The following FHIT variants were observed in gnomAD, a reference collection of about 807,000 sequenced individuals.
FHIT encodes the protein fragile histidine triad diadenosine triphosphatase.
FHIT carries 19 observed loss-of-function variants against 17.9 expected under a neutral mutation model. That is an observed-to-expected ratio of 1.06 (90% CI 0.74 to 1.56). FHIT has a LOEUF of 1.56. Among genes scored for constraint, FHIT ranks in the 40% most tolerant of loss-of-function variants. The probability of loss-of-function intolerance (pLI) is 0.00; values close to 1 mark genes in which losing one functional copy is unlikely to be tolerated. For synonymous variants in FHIT, 81 were observed against 69.7 expected (o/e 1.16, Z -0.81); for missense variants, 248 against 189.2 (o/e 1.31, Z -1.82).
At chr3:59,872,564 C>T (rs1289393959) in intron 8 of FHIT, among the ~76,000 whole-genome samples, 1 of 152,120 alleles carries the variant, frequency 6.6e-6, no homozygotes, top group African/African-American at 2.4e-5. Context: ...AGAAGAATTT[C>T]GAGGCCAAAT....
At chr3:59,965,301 G>C (rs1707874627) in intron 7 of FHIT, among the ~76,000 whole-genome samples, 1 of 152,046 alleles carries the variant, frequency 6.6e-6, no homozygotes, top group Admixed American at 6.6e-5. Context: ...ACTCCACTCA[G>C]GAGATATATC....
chr3:59,796,685 T>C (rs2605433), intron 8 of FHIT, among the ~76,000 whole-genome samples: 39,175 of 152,074 alleles, frequency 0.26, 6,990 homozygotes, highest in African/African-American at 0.51. Context: ...GGGTTCAATT[T>C]CTATGTCAGT....
At chr3:60,760,541 C>T (rs1396362379) in intron 4 of FHIT, among the ~76,000 whole-genome samples, 1 of 152,264 alleles carries the variant, frequency 6.6e-6, no homozygotes, top group East Asian at 1.9e-4. Flanking sequence ...ATCCACAAAT[C>T]CTACTAATAT....
At chr3:59,885,882 G>T (rs192894589) in intron 8 of FHIT, among the ~76,000 whole-genome samples, 5 of 152,312 alleles carry the variant, frequency 3.3e-5, no homozygotes, top group African/African-American at 1.2e-4. Context: ...CTAGCAGGCA[G>T]GCAGGCCTCA....
chr3:60,981,427 C>T (rs1221008115), intron 3 of FHIT, among the ~76,000 whole-genome samples: 1 of 151,890 alleles, frequency 6.6e-6, no homozygotes, highest in Non-Finnish European at 1.5e-5. Flanking sequence ...GCCTCAGCCT[C>T]CCGAGTAGCT....
At chr3:60,693,868 G>T (rs1026565116) in intron 4 of FHIT, among the ~76,000 whole-genome samples, 2 of 152,102 alleles carry the variant, frequency 1.3e-5, no homozygotes, top group Non-Finnish European at 2.9e-5. Flanking sequence ...AATTGTTCTG[G>T]TGGCATAGCT....
At chr3:60,358,085 G>A (rs1699751144) in intron 5 of FHIT, among the ~76,000 whole-genome samples, 1 of 152,192 alleles carries the variant, frequency 6.6e-6, no homozygotes, top group African/African-American at 2.4e-5. Context: ...GCTGTCTGGA[G>A]AACCACATAA....
chr3:60,150,788 G>T (rs1200052666), intron 5 of FHIT, among the ~76,000 whole-genome samples: 1 of 151,972 alleles, frequency 6.6e-6, no homozygotes, highest in African/African-American at 2.4e-5. Context: ...GCATGGTGGC[G>T]CATGCCTGTA....
chr3:60,166,068 T>C (rs550293212), intron 5 of FHIT, among the ~76,000 whole-genome samples: 21 of 152,132 alleles, frequency 1.4e-4, no homozygotes, highest in Non-Finnish European at 2.9e-4. Flanking sequence ...TCCTGTAATA[T>C]TGTGCTCTTT....
intron 4 of FHIT, among the ~76,000 whole-genome samples, chr3:60,728,999 C>T (rs1239147410): frequency 1.3e-5 from 2 of 152,074 alleles, no homozygotes; most frequent in East Asian, 1.9e-4. Flanking sequence ...TATCAGAGAG[C>T]AAGAGAAAGT....
intron 2 of FHIT, among the ~76,000 whole-genome samples, chr3:61,046,352 C>T (rs187073186): frequency 6.6e-6 from 1 of 152,264 alleles, no homozygotes; most frequent in Admixed American, 6.5e-5. Context: ...TCAGAGAGTA[C>T]TATAAACACC....
At chr3:59,833,779 G>C (rs913304731) in intron 8 of FHIT, among the ~76,000 whole-genome samples, 2 of 152,138 alleles carry the variant, frequency 1.3e-5, no homozygotes, top group Non-Finnish European at 2.9e-5. Context: ...TTGAGGGAGA[G>C]ACCTGGTGGG....
At chr3:60,338,311 T>C (rs993750430) in intron 5 of FHIT, among the ~76,000 whole-genome samples, 1 of 152,216 alleles carries the variant, frequency 6.6e-6, no homozygotes, top group Non-Finnish European at 1.5e-5. Flanking sequence ...CAATCATCTA[T>C]ACCACAAAAA....
intron 3 of FHIT, among the ~76,000 whole-genome samples, chr3:60,894,706 C>T (rs552481727): frequency 4.6e-5 from 7 of 151,962 alleles, no homozygotes; most frequent in Admixed American, 1.3e-4. Context: ...AAACAAAAAA[C>T]ACTCTTTAAA....
intron 5 of FHIT, among the ~76,000 whole-genome samples, chr3:60,534,128 A>T (rs1044035990): frequency 6.6e-6 from 1 of 152,222 alleles, no homozygotes; most frequent in Non-Finnish European, 1.5e-5. Context: ...GGAGTACCTT[A>T]TTAAGATGCG....
At chr3:60,694,463 G>C (rs570700478) in intron 4 of FHIT, among the ~76,000 whole-genome samples, 2 of 152,310 alleles carry the variant, frequency 1.3e-5, no homozygotes, top group South Asian at 4.1e-4. Context: ...TACATTGTTG[G>C]TGGGACTGTA....
chr3:60,272,209 G>A (rs1401651014), intron 5 of FHIT, among the ~76,000 whole-genome samples: 1 of 152,200 alleles, frequency 6.6e-6, no homozygotes, highest in African/African-American at 2.4e-5. Flanking sequence ...AAGAGTGAGA[G>A]TTAAGTGGTA....
At chr3:61,081,435 G>T (rs536320759) in intron 2 of FHIT, among the ~76,000 whole-genome samples, 2 of 152,292 alleles carry the variant, frequency 1.3e-5, no homozygotes, top group South Asian at 4.1e-4. Flanking sequence ...GGAAAAAACT[G>T]TTCCCTCAAA....
chr3:61,152,089 T>C (rs2037410956), intron 2 of FHIT, among the ~76,000 whole-genome samples: 1 of 152,230 alleles, frequency 6.6e-6, no homozygotes, highest in Non-Finnish European at 1.5e-5. Flanking sequence ...AGGTAATTTC[T>C]ATAAAGTTCA....
Sources: gnomAD v4.1 joint callset for allele counts (sites outside exome capture counted in the v4.1 genomes callset) on GRCh38, gnomAD v4.1.1 for gene constraint, MANE v1.5 for transcripts, NCBI Gene and HGNC (gene_info 2026-07-23, HGNC 2026-07-21) for gene names.